The following RGS22 variants were observed in gnomAD, a reference collection of about 807,000 sequenced individuals.
RGS22 encodes regulator of G-protein signaling 22.
A neutral mutation model predicts 172.9 loss-of-function variants in RGS22; 148 were observed. The observed-to-expected ratio is 0.86, with a 90% CI of 0.75 to 0.98. The LOEUF is 0.98. Ranked by LOEUF, RGS22 falls within the 50% of genes least tolerant of loss-of-function variation. The pLI, the probability that RGS22 is intolerant of heterozygous loss-of-function variation, is 0.00. For missense variants in RGS22, 1,347 were observed against 1,440.8 expected (o/e 0.93, Z 1.05); for synonymous variants, 458 against 480.2 (o/e 0.95, Z 0.60).
chr8:100,100,251 G>T (rs368780983), intron 2 of RGS22, among the ~76,000 whole-genome samples: 170 of 151,290 alleles, frequency 1.1e-3, no homozygotes, highest in African/African-American at 4.1e-3. Context: ...TTATGTAAAT[G>T]GTTGTTATCC....
chr8:100,059,392 A>G (rs1469800825), intron 9 of RGS22, among the ~76,000 whole-genome samples: 1 of 151,996 alleles, frequency 6.6e-6, no homozygotes, highest in East Asian at 1.9e-4. Flanking sequence ...TACAAGAAAC[A>G]CACTTCACCT....
chr8:100,022,852 C>T (rs1817764488), intron 14 of RGS22, among the ~76,000 whole-genome samples: 4 of 151,964 alleles, frequency 2.6e-5, no homozygotes, highest in Non-Finnish European at 5.9e-5. Context: ...CCTAGCCTCC[C>T]GAGTAGCTGG....
chr8:100,036,580 T>C (rs1165033905), intron 14 of RGS22, among the ~76,000 whole-genome samples: 4 of 152,164 alleles, frequency 2.6e-5, no homozygotes, highest in Admixed American at 6.5e-5. Context: ...GAAAACAATA[T>C]AAAATCAAGT....
chr8:99,962,970 C>T lies in RGS22; in HGVS notation c.3624G>A (p.Trp1208Ter). ...AGGCTTCTATATACTTTGAGTAGCA[C>T]CAGGTTGGCTAAAAAAAGCAATTTT... Reference protein sequence around the residue: ...GLQPYGRQPTWCYSKYIEALE... With the variant: ...GLQPYGRQPT The change falls in exon 25 of 28, where the codon TGG becomes TGA. Residue 1208 changes from tryptophan (W) to a stop codon, truncating the protein, a stop_gained. Coordinates refer to ENST00000360863, the MANE Select transcript of RGS22 (RefSeq NM_015668.5). LOFTEE classifies it high-confidence loss of function. 1 of 1,562,826 alleles carries T rather than the reference C, an allele frequency of 6.4e-7. No homozygotes were observed. The highest frequency in any genetic ancestry group is 2.3e-5 in the East Asian group (1 of 43,546).
chr8:99,997,400 G>A (rs1211507917), intron 19 of RGS22, among the ~76,000 whole-genome samples: 1 of 152,226 alleles, frequency 6.6e-6, no homozygotes, highest in Non-Finnish European at 1.5e-5. Flanking sequence ...GAGAATTGGA[G>A]TTAGCCTGAA....
rs562932070 is a variant in RGS22, at chr8:100,012,368, G to A, written c.2167-3799C>T. Among the ~76,000 whole-genome samples, 25 of 152,246 alleles carry A rather than the reference G, an allele frequency of 1.6e-4. 1 individual carries two copies. The highest frequency in any genetic ancestry group is 3.4e-3 in the Middle Eastern group (1 of 294). The stretch of plus-strand genomic sequence containing the variant: ...AGATATTTGCTGAGTATATAAATAA[G>A]AGATGAGTGGCTTAAAGAGCAACAG... On this transcript the variant is annotated intron_variant, in intron 14 of 27. Coordinates refer to ENST00000360863, the MANE Select transcript of RGS22 (RefSeq NM_015668.5).
rs148140193 is a variant in RGS22, at chr8:100,089,796, A to G, written c.117+3651T>C. On this transcript the variant is annotated intron_variant, in intron 3 of 27. Transcript: ENST00000360863. ...TCCATTTCACACTATCGGGATAAAA[A>G]CAAGACCAGATTCTCTTATCCAAAT... Among the ~76,000 whole-genome samples the G allele has an allele frequency of 2.9e-4, 44 of 152,248 alleles. 1 individual carries two copies. The East Asian group carries it at 8.1e-3, about 28-fold the overall frequency.
chr8:100,039,151 T>G, intron 13 of RGS22, 119 bp from the exon 14 acceptor site: 1 of 477,318 alleles, frequency 2.1e-6, no homozygotes, highest in East Asian at 3.2e-5. Context: ...TCAGGTTCAA[T>G]TTAAGATGGT....
At chr8:100,098,862 ATTTAT>A (rs1205135976) in intron 2 of RGS22, among the ~76,000 whole-genome samples, 17,266 of 52,516 alleles carry the variant, frequency 0.33, 1,412 homozygotes, top group Non-Finnish European at 0.38. Flanking sequence ...TTATTATTTT[ATTTAT>A]TTTATTTTAT....
chr8:100,047,583 C>G lies in RGS22; in HGVS notation c.1703G>C (p.Ser568Thr), dbSNP rs757998246. Residue 568 changes from serine (S) to threonine (T), a missense_variant, in exon 11 of 28, where the codon AGC becomes ACC. By Grantham distance (58) the Ser-to-Thr change is moderately conservative. Coordinates refer to ENST00000360863, the MANE Select transcript of RGS22 (RefSeq NM_015668.5). The part of the protein sequence containing the change: ...QIPEIQKEEF[S>T]LSQPPKSPNK... ...GGGAGATTTAGGAGGTTGTGATAAG[C>G]TGAATTCTTCTTTCTAAAAGATGGT... 6 of 1,607,804 alleles carry G rather than the reference C, an allele frequency of 3.7e-6. No homozygotes were observed. The highest frequency in any genetic ancestry group is 5.1e-6 in the Non-Finnish European group (6 of 1,178,108).
At chr8:100,088,184 A>G (rs1459044275) in intron 3 of RGS22, among the ~76,000 whole-genome samples, 2 of 152,150 alleles carry the variant, frequency 1.3e-5, no homozygotes, top group South Asian at 2.1e-4. Flanking sequence ...CGGATTGTAA[A>G]AAGTGTGGAG....
intron 14 of RGS22, among the ~76,000 whole-genome samples, chr8:100,035,553 A>C (rs1729741465): frequency 6.6e-6 from 1 of 152,182 alleles, no homozygotes; most frequent in African/African-American, 2.4e-5. Flanking sequence ...CAGTGTGGCA[A>C]TTCCTCCAAG....
chr8:100,004,627 G>A (rs1815482713), intron 16 of RGS22: 1 of 153,064 alleles, frequency 6.5e-6, no homozygotes, highest in Non-Finnish European at 1.5e-5. Flanking sequence ...TTCATGAAGA[G>A]ATTTACAATG....
At chr8:100,102,551 G>C (rs575595899) in intron 2 of RGS22, among the ~76,000 whole-genome samples, 9 of 152,332 alleles carry the variant, frequency 5.9e-5, no homozygotes, top group African/African-American at 2.2e-4. Context: ...ATGAATTTGA[G>C]AATCTGGTTA....
chr8:100,081,711 G>GA (rs1009873680), intron 3 of RGS22, among the ~76,000 whole-genome samples: 5 of 151,926 alleles, frequency 3.3e-5, no homozygotes, highest in Admixed American at 6.6e-5. Flanking sequence ...TAACTAAAGA[G>GA]AAAAAAGAGT....
chr8:100,025,839 C>G (rs887041729), intron 14 of RGS22, among the ~76,000 whole-genome samples: 12 of 152,290 alleles, frequency 7.9e-5, no homozygotes, highest in African/African-American at 2.6e-4. Context: ...AAGAACAATC[C>G]AAATTTTACG....
In RGS22 at chr8:100,069,879, T is replaced by C. The variant is rs192301255; in HGVS notation, c.594+1490A>G. On this transcript the variant is annotated intron_variant, in intron 6 of 27. Transcript: ENST00000360863. Reference sequence around the variant, plus strand: ...CCCATCTCTACTAAAAATACAAGAATTAGCCAGGCGTGGTGGCACGTGCCT... The same window carrying C: ...CCCATCTCTACTAAAAATACAAGAACTAGCCAGGCGTGGTGGCACGTGCCT... Among the ~76,000 whole-genome samples the C allele has an allele frequency of 2.8e-3, 418 of 151,946 alleles. 2 individuals are homozygous for C. Among genetic ancestry groups the C allele is most frequent in the African/African-American group, 9.7e-3 (404 of 41,450 alleles).
At chr8:99,965,918 T>C (rs1025221844) in intron 23 of RGS22, among the ~76,000 whole-genome samples, 2 of 152,202 alleles carry the variant, frequency 1.3e-5, no homozygotes, top group African/African-American at 4.8e-5. Flanking sequence ...TTGTATTTTT[T>C]ACCATTGTTT....
chr8:99,963,106 GCACAT>G (rs1269024334), intron 24 of RGS22, 128 bp from the exon 25 acceptor site: 2 of 691,818 alleles, frequency 2.9e-6, no homozygotes, highest in Non-Finnish European at 4.5e-6. Context: ...AAAGAAAAGT[GCACAT>G]CACAAGTTTA....
Sources: gnomAD v4.1 joint callset for allele counts (sites outside exome capture counted in the v4.1 genomes callset) on GRCh38, gnomAD v4.1.1 for gene constraint, MANE v1.5 for transcripts, NCBI Gene and HGNC (gene_info 2026-07-23, HGNC 2026-07-21) for gene names.